The following GMDS variants were observed in gnomAD, a reference collection of about 807,000 sequenced individuals.
GMDS encodes GDP-mannose 4,6 dehydratase.
Under a neutral mutation model 49.9 loss-of-function variants are expected in GMDS, and 20 were observed. The ratio of observed to expected loss-of-function variants is 0.40; its 90% CI spans 0.28 to 0.58. The LOEUF is 0.58. Ranked by LOEUF, GMDS falls within the 20% of genes least tolerant of loss-of-function variation. The probability of loss-of-function intolerance (pLI) is 0.42; values close to 1 mark genes in which losing one functional copy is unlikely to be tolerated. For synonymous variants in GMDS, 177 were observed against 178.6 expected (o/e 0.99, Z 0.07); for missense variants, 362 against 481.4 (o/e 0.75, Z 2.32).
At chr6:1,638,280 G>C (rs957912155) in intron 9 of GMDS, among the ~76,000 whole-genome samples, 2 of 152,196 alleles carry the variant, frequency 1.3e-5, no homozygotes, top group Non-Finnish European at 2.9e-5. Context: ...CCTGGGTTTA[G>C]AGCAAAACAA....
At chr6:1,896,690 C>T (rs986934505) in intron 7 of GMDS, among the ~76,000 whole-genome samples, 1 of 152,018 alleles carries the variant, frequency 6.6e-6, no homozygotes, top group African/African-American at 2.4e-5. Context: ...TAGATTTCAT[C>T]GTGAAGAAAT....
chr6:2,017,309 A>ATT (rs57958131), intron 4 of GMDS, among the ~76,000 whole-genome samples: 295 of 147,544 alleles, frequency 2.0e-3, no homozygotes, highest in African/African-American at 7.2e-3. Context: ...GATTCTTTTT[A>ATT]TTTTTTTTTT....
chr6:1,659,816 GA>G (rs1455707494), intron 9 of GMDS, among the ~76,000 whole-genome samples: 1 of 151,732 alleles, frequency 6.6e-6, no homozygotes, highest in Non-Finnish European at 1.5e-5. Context: ...CTGAAGCTCA[GA>G]AACTTCTAGT....
At chr6:1,705,494 C>T (rs542185374) in intron 9 of GMDS, among the ~76,000 whole-genome samples, 2 of 152,306 alleles carry the variant, frequency 1.3e-5, no homozygotes, top group East Asian at 1.9e-4. Flanking sequence ...CATAATCAAA[C>T]GTGAATATTC....
chr6:2,120,434 T>C (rs1775078595), intron 2 of GMDS, among the ~76,000 whole-genome samples: 1 of 152,062 alleles, frequency 6.6e-6, no homozygotes, highest in Non-Finnish European at 1.5e-5. Flanking sequence ...AGAAAGTATC[T>C]CCATGTTCTA....
At chr6:2,148,509 G>A (rs1019937153) in intron 1 of GMDS, among the ~76,000 whole-genome samples, 3 of 151,972 alleles carry the variant, frequency 2.0e-5, no homozygotes, top group African/African-American at 4.8e-5. Context: ...AAACCTTCAC[G>A]TCCTGGGTTC....
intron 1 of GMDS, among the ~76,000 whole-genome samples, chr6:2,227,117 C>T (rs1293838716): frequency 1.3e-5 from 2 of 151,870 alleles, no homozygotes; most frequent in Admixed American, 1.3e-4. Context: ...TCCTATACTT[C>T]CAATTTTTCA....
At chr6:2,124,621 A>G (rs1019840467) in intron 2 of GMDS, 66 bp downstream of exon 2, 10 of 1,130,726 alleles carry the variant, frequency 8.8e-6, no homozygotes, top group Non-Finnish European at 1.2e-5. Flanking sequence ...GCAGCAGAGG[A>G]AGCATGTGGC....
At chr6:2,237,347 C>T (rs150760681) in intron 1 of GMDS, among the ~76,000 whole-genome samples, 280 of 152,244 alleles carry the variant, frequency 1.8e-3, no homozygotes, top group African/African-American at 6.4e-3. Context: ...GCTTTCTATC[C>T]TATAGGATTA....
In GMDS at chr6:1,656,085, C is replaced by T. The variant is rs573173027; in HGVS notation, c.988-31545G>A. On this transcript the variant is annotated intron_variant, in intron 9 of 10. Coordinates refer to ENST00000380815, the MANE Select transcript of GMDS (RefSeq NM_001500.4). ...AACCCAGAACACCTGTCTCCATGGC[C>T]CTGGCTCTAGGACATCTGCCAAATG... 5.3e-5 allele frequency among the ~76,000 whole-genome samples: 8 copies of T among 152,278 alleles called. No homozygotes were observed. In the South Asian group the frequency reaches 1.7e-3, roughly 32 times the overall value.
rs533598139 is a variant in GMDS, at chr6:2,092,564, G to T, written c.345+23207C>A. On this transcript the variant is annotated intron_variant, in intron 4 of 10. Coordinates refer to ENST00000380815, the MANE Select transcript of GMDS (RefSeq NM_001500.4). ...TTTAGCGCATTTATTGTACGTAACAGATTTGTTTGGAAATGTAGATAATAT... is the reference window on the plus strand; with the variant it reads ...TTTAGCGCATTTATTGTACGTAACATATTTGTTTGGAAATGTAGATAATAT... 2.0e-5 allele frequency among the ~76,000 whole-genome samples: 3 copies of T among 152,288 alleles called. No individual in the cohort carries two copies. In the South Asian group the frequency reaches 6.2e-4, roughly 32 times the overall value.
intron 1 of GMDS, among the ~76,000 whole-genome samples, chr6:2,125,604 GA>G (rs934344276): frequency 4.0e-5 from 6 of 149,408 alleles, no homozygotes; most frequent in Admixed American, 2.0e-4. Context: ...CAGAGGGAAA[GA>G]AAAAAAAAAT....
intron 9 of GMDS, among the ~76,000 whole-genome samples, chr6:1,683,268 C>T (rs776608865): frequency 1.7e-4 from 26 of 152,294 alleles, no homozygotes; most frequent in African/African-American, 5.1e-4. Flanking sequence ...GGACTACAGG[C>T]GCCCGCCACC....
At chr6:1,777,083 C>T (rs566248644) in intron 7 of GMDS, among the ~76,000 whole-genome samples, 1 of 152,342 alleles carries the variant, frequency 6.6e-6, no homozygotes, top group East Asian at 1.9e-4. Flanking sequence ...TAAAATTTGG[C>T]ATAATGATAA....
rs551620048 is a variant in GMDS at position 1,960,971 on chromosome 6, A to G, written c.346-5T>C. 1 of 1,510,888 alleles carries G rather than the reference A, an allele frequency of 6.6e-7. No individual in the cohort carries two copies. Among genetic ancestry groups the G allele is most frequent in the African/African-American group, 1.4e-5 (1 of 73,738 alleles). The allele number at this position is 1,510,888 out of a possible 1,614,324, so 93.6% of individuals were successfully genotyped here. The stretch of plus-strand genomic sequence containing the variant: ...CTCAGCGAGGTCAAAGGAAATCTGG[A>G]AAAAGCAGGCGGAGACAGGGCTGCA... On this transcript the variant is annotated splice_region_variant and splice_polypyrimidine_tract_variant and intron_variant, in intron 4 of 10. Coordinates refer to ENST00000380815, the MANE Select transcript of GMDS (RefSeq NM_001500.4).
intron 7 of GMDS, among the ~76,000 whole-genome samples, chr6:1,919,307 A>G (rs1009525184): frequency 3.9e-5 from 6 of 152,226 alleles, no homozygotes; most frequent in African/African-American, 7.2e-5. Context: ...ATGAGAAAAA[A>G]TGGTAAAAGT....
At chr6:1,865,739 C>T (rs779299303) in intron 7 of GMDS, among the ~76,000 whole-genome samples, 3 of 152,294 alleles carry the variant, frequency 2.0e-5, no homozygotes, top group African/African-American at 7.2e-5. Context: ...TTCCACCCAG[C>T]GAAGCGGTCT....
At chr6:1,720,731 C>T (rs1480970842) in intron 9 of GMDS, among the ~76,000 whole-genome samples, 1 of 152,150 alleles carries the variant, frequency 6.6e-6, no homozygotes, top group Non-Finnish European at 1.5e-5. Context: ...CATCCTCTGA[C>T]CCTGGCTCCC....
intron 4 of GMDS, among the ~76,000 whole-genome samples, chr6:2,071,950 G>A (rs182337050): frequency 6.6e-6 from 1 of 152,116 alleles, no homozygotes; most frequent in Non-Finnish European, 1.5e-5. Flanking sequence ...AGCAACGAAG[G>A]GGGGAAAAAA....
Sources: gnomAD v4.1 joint callset for allele counts (sites outside exome capture counted in the v4.1 genomes callset) on GRCh38, gnomAD v4.1.1 for gene constraint, MANE v1.5 for transcripts, NCBI Gene and HGNC (gene_info 2026-07-23, HGNC 2026-07-21) for gene names.